SLC6A19: variants seen among roughly 807,000 people sequenced by gnomAD.
SLC6A19 encodes the protein sodium-dependent neutral amino acid transporter B(0)AT1.
SLC6A19 carries 67 observed loss-of-function variants against 68.3 expected under a neutral mutation model. The ratio of observed to expected loss-of-function variants is 0.98; its 90% CI spans 0.81 to 1.20. The LOEUF (loss-of-function observed/expected upper bound fraction) is 1.20. Ranked by LOEUF, SLC6A19 falls within the 50% of genes most tolerant of loss-of-function variation. SLC6A19 has a pLI of 0.00. For synonymous variants in SLC6A19, 392 were observed against 374.9 expected (o/e 1.05, Z -0.53); for missense variants, 813 against 851.6 (o/e 0.95, Z 0.56).
rs1403845937 is a variant in SLC6A19, at chr5:1,201,816, T to C, written c.166T>C (p.Trp56Arg). The C allele has an allele frequency of 1.2e-6, 2 of 1,612,182 alleles. No homozygotes were observed. Among genetic ancestry groups the C allele is most frequent in the Non-Finnish European group, 8.5e-7 (1 of 1,179,860 alleles). Residue 56 changes from tryptophan (W) to arginine (R), a missense_variant, in exon 1 of 12, where the codon TGG (tryptophan) becomes CGG (arginine). Physicochemically the swap from Trp to Arg is moderately radical, Grantham distance 101. Coordinates refer to ENST00000304460, the MANE Select transcript of SLC6A19 (RefSeq NM_001003841.3). ...CTTCTGCGTGGGCCTCGGCAACGTG[T>C]GGCGCTTCCCCTACCTGTGTCAGAG... ...LGFCVGLGNV[W>R]RFPYLCQSHG...
chr5:1,220,462 A>C (rs1746343969), intron 10 of SLC6A19, among the ~76,000 whole-genome samples: 2 of 151,662 alleles, frequency 1.3e-5, no homozygotes, highest in African/African-American at 4.8e-5. Flanking sequence ...AGACTCAGTT[A>C]ACATTGAGCA....
rs1392745583 is a variant in SLC6A19, at chr5:1,222,540, TAC to T, written c.*637_*638del. On this transcript the variant is annotated 3_prime_UTR_variant, in exon 12 of 12. Transcript: ENST00000304460. Reference sequence around the variant, plus strand: ...ATGTGAGCATGTGTACGTGTGTGTATACGTGTGTTGTGTATATGTGTGTGTCT... The same window carrying T: ...ATGTGAGCATGTGTACGTGTGTGTATGTGTGTTGTGTATATGTGTGTGTCT... The T allele has an allele frequency of 7.6e-6, 3 of 394,850 alleles. No homozygotes were observed. Among genetic ancestry groups the T allele is most frequent in the Admixed American group, 8.1e-5 (2 of 24,750 alleles). The allele number at this position is 394,850 out of a possible 1,614,324, so 24.5% of individuals were successfully genotyped here. A position where few individuals can be genotyped will look rare whatever the true frequency, so the allele number is the denominator to read the frequency against.
At position 1,201,853 on chromosome 5, in the gene SLC6A19, G is replaced by A. The variant is rs756022314; in HGVS notation, c.202+1G>A. On this transcript the variant is annotated splice_donor_variant, in intron 1 of 11. Transcript: ENST00000304460. LOFTEE classifies it high-confidence loss of function. Reference sequence around the variant, plus strand: ...TACCTGTGTCAGAGCCACGGAGGAGGTAGGCTGGCCGGGCGGGGCTGCGGG... The same window carrying A: ...TACCTGTGTCAGAGCCACGGAGGAGATAGGCTGGCCGGGCGGGGCTGCGGG... The A allele has an allele frequency of 1.7e-5, 27 of 1,609,284 alleles. No individual in the cohort carries two copies. The highest frequency in any genetic ancestry group is 4.2e-6 in the Non-Finnish European group (5 of 1,179,384).
At position 1,212,360 on chromosome 5, in the gene SLC6A19, C is replaced by T. The variant is rs141487939; in HGVS notation, c.539C>T (p.Thr180Met). 135 of 1,613,588 alleles carry T rather than the reference C, an allele frequency of 8.4e-5. No homozygotes were observed. The African/African-American group carries it at 1.0e-3, about 12-fold the overall frequency. ...SPVDYFWYRE[T>M]LNISTSISDS... ...GTGGACTACTTCTGGTACCGAGAGA[C>T]GCTCAACATCTCCACGTCCATCAGC... Residue 180 changes from threonine (T) to methionine (M), a missense_variant, in exon 4 of 12, where the codon ACG becomes ATG. Thr to Met is a moderately conservative substitution (Grantham distance 81). Coordinates refer to ENST00000304460, the MANE Select transcript of SLC6A19 (RefSeq NM_001003841.3). The surrounding 1 kb of genome is among the most constrained non-coding windows in gnomAD (Gnocchi z 5.1).
intron 1 of SLC6A19, among the ~76,000 whole-genome samples, 156 bp from the exon 2 acceptor site, chr5:1,208,590 T>C (rs1350838997): frequency 6.6e-6 from 1 of 152,182 alleles, no homozygotes; most frequent in East Asian, 1.9e-4. Context: ...GCTCTGGCCC[T>C]GATCCCATGG....
chr5:1,208,645 C>G, intron 1 of SLC6A19, 101 bp from the exon 2 acceptor site: 1 of 1,537,444 alleles, frequency 6.5e-7, no homozygotes, highest in South Asian at 1.1e-5. Flanking sequence ...GTGGGCCGGC[C>G]ATAGGGGCTG....
intron 10 of SLC6A19, among the ~76,000 whole-genome samples, chr5:1,220,366 T>C (rs4975627): frequency 0.91 from 134,037 of 147,868 alleles, 61,094 homozygotes; most frequent in Non-Finnish European, 0.95. Flanking sequence ...GGGGAGATCA[T>C]ACCACTGCAA....
Position 1,219,654 on chromosome 5 carries a change from G to A in SLC6A19, c.1528G>A (p.Gly510Ser), listed in dbSNP as rs139633200. 36 of 1,605,126 alleles carry A rather than the reference G, an allele frequency of 2.2e-5. No individual in the cohort carries two copies. The highest frequency in any genetic ancestry group is 5.0e-5 in the Admixed American group (3 of 60,018). ...CEMFSVVYVY[G>S]VDRFNKDIEF... ...GATGTTCTCTGTGGTCTACGTGTAC[G>A]GTGTGGACAGGTAGGGGCCACGGTG... Residue 510 changes from glycine (G) to serine (S), a missense_variant, in exon 10 of 12, where the codon GGT (glycine) becomes AGT (serine). By Grantham distance (56) the Gly-to-Ser change is moderately conservative. Transcript: ENST00000304460.
Position 1,223,301 on chromosome 5 carries a change from A to C in SLC6A19, c.*1397A>C, listed in dbSNP as rs752584150. The C allele has an allele frequency of 6.6e-6, 1 of 152,268 alleles. No homozygotes were observed. Among genetic ancestry groups the C allele is most frequent in the Admixed American group, 6.5e-5 (1 of 15,290 alleles). 9.4% of individuals were successfully genotyped at this position (152,268 alleles called of 1,614,324 possible). ...CCACTCTGTGCATTTTCTTAAGAGGACATGAGCTGTGTGAATTTTTAGCCA... is the reference window on the plus strand; with the variant it reads ...CCACTCTGTGCATTTTCTTAAGAGGCCATGAGCTGTGTGAATTTTTAGCCA... On this transcript the variant is annotated 3_prime_UTR_variant, in exon 12 of 12. Transcript: ENST00000304460.
At chr5:1,202,827 C>T (rs115543568) in intron 1 of SLC6A19, among the ~76,000 whole-genome samples, 148 of 152,336 alleles carry the variant, frequency 9.7e-4, no homozygotes, top group African/African-American at 3.5e-3. Flanking sequence ...CAGAAATGGG[C>T]TTTTCCTGAA....
rs1746410589 is a variant in SLC6A19, at chr5:1,222,297, C to A, written c.*393C>A. 3.6e-6 allele frequency: 2 copies of A among 549,538 alleles called. No homozygotes were observed. The highest frequency in any genetic ancestry group is 4.6e-4 in the Middle Eastern group (1 of 2,154). The allele number at this position is 549,538 out of a possible 1,614,324, so 34.0% of individuals were successfully genotyped here. On this transcript the variant is annotated 3_prime_UTR_variant, in exon 12 of 12. Coordinates refer to ENST00000304460, the MANE Select transcript of SLC6A19 (RefSeq NM_001003841.3). ...GTGTGTGCATGTATATATAGACATA[C>A]ATGCCTATGTTGTGTGTGGTGTGCA...
chr5:1,213,450 C>G lies in SLC6A19; in HGVS notation c.664-13C>G. On this transcript the variant is annotated splice_polypyrimidine_tract_variant and intron_variant, in intron 4 of 11. Coordinates refer to ENST00000304460, the MANE Select transcript of SLC6A19 (RefSeq NM_001003841.3). ...CAACTTCCCGCCCATCCCACATGTC[C>G]CGCCCTCCGCAGGCCGTGTACATCA... 6.3e-7 allele frequency: 1 copy of G among 1,578,052 alleles called. No individual in the cohort carries two copies. Among genetic ancestry groups the G allele is most frequent in the Non-Finnish European group, 8.6e-7 (1 of 1,164,854 alleles).
chr5:1,220,939 G>A (rs570497982), intron 10 of SLC6A19, among the ~76,000 whole-genome samples: 1 of 152,308 alleles, frequency 6.6e-6, no homozygotes, highest in African/African-American at 2.4e-5. Flanking sequence ...ACTGGCTGGT[G>A]GCATCGTAGG....
At chr5:1,205,453 G>C (rs1305526167) in intron 1 of SLC6A19, among the ~76,000 whole-genome samples, 1 of 152,178 alleles carries the variant, frequency 6.6e-6, no homozygotes, top group African/African-American at 2.4e-5. Context: ...AGTCCTCTCT[G>C]TTCACTGCTC....
rs183119054 is a variant in SLC6A19 at position 1,212,548 on chromosome 5, C to T, written c.663+64C>T. 2.8e-3 allele frequency: 4,429 copies of T among 1,584,984 alleles called. 18 individuals are homozygous for T. Among genetic ancestry groups the T allele is most frequent in the Non-Finnish European group, 3.0e-3 (3,518 of 1,168,766 alleles). ...GGGCGGGTGCGGGCAGCCCTGCCTCCGGCCGGCTGCACTCTAAAACCCAGG... is the reference window on the plus strand; with the variant it reads ...GGGCGGGTGCGGGCAGCCCTGCCTCTGGCCGGCTGCACTCTAAAACCCAGG... On this transcript the variant is annotated intron_variant, in intron 4 of 11. Transcript: ENST00000304460. This position sits in a 1 kb window ranked among gnomAD's most constrained non-coding sequence, Gnocchi z 5.1.
At chr5:1,210,303 C>T in intron 2 of SLC6A19, 141 bp from the exon 3 acceptor site, 1 of 1,231,148 alleles carries the variant, frequency 8.1e-7, no homozygotes, top group Non-Finnish European at 1.1e-6. Flanking sequence ...CCGGCCTGCA[C>T]TGGGTCGGCC....
Position 1,212,316 on chromosome 5 carries a change from G to C in SLC6A19, c.495G>C (p.Glu165Asp), listed in dbSNP as rs201694226. ...CCCTCTCCCCAGGGTATGTGGACGA[G>C]TGCGCCAGGAGCTCCCCTGTGGACT... The part of the protein sequence containing the change: ...LNENQTGYVD[E>D]CARSSPVDYF... Residue 165 changes from glutamate (E) to aspartate (D), a missense_variant, in exon 4 of 12, where the codon GAG (glutamate) becomes GAC (aspartate). Glu to Asp is a conservative substitution (Grantham distance 45). Coordinates refer to ENST00000304460, the MANE Select transcript of SLC6A19 (RefSeq NM_001003841.3). The surrounding 1 kb of genome is among the most constrained non-coding windows in gnomAD (Gnocchi z 5.1). 3.1e-6 allele frequency: 5 copies of C among 1,613,550 alleles called. No individual in the cohort carries two copies. Among genetic ancestry groups the C allele is most frequent in the African/African-American group, 1.3e-5 (1 of 75,010 alleles).
At position 1,209,821 on chromosome 5, in the gene SLC6A19, C is replaced by T; in HGVS notation, c.344-623C>T. Among the ~76,000 whole-genome samples the T allele has an allele frequency of 6.6e-6, 1 of 152,160 alleles. No homozygotes were observed. Among genetic ancestry groups the T allele is most frequent in the East Asian group, 1.9e-4 (1 of 5,202 alleles). ...GTCTCTCTTCCCCATCTCACACTCACATATTCACAACACACATTTGGTTTT... is the reference window on the plus strand; with the variant it reads ...GTCTCTCTTCCCCATCTCACACTCATATATTCACAACACACATTTGGTTTT... On this transcript the variant is annotated intron_variant, in intron 2 of 11. Transcript: ENST00000304460. This position sits in a 1 kb window ranked among gnomAD's most constrained non-coding sequence, Gnocchi z 5.5.
At chr5:1,202,186 G>C (rs1231437047) in intron 1 of SLC6A19, among the ~76,000 whole-genome samples, 1 of 152,188 alleles carries the variant, frequency 6.6e-6, no homozygotes. Context: ...GCCCCTCCTC[G>C]GAGGACGCGG....
Sources: allele counts gnomAD v4.1 joint callset (sites outside exome capture counted in the v4.1 genomes callset), GRCh38; gene constraint gnomAD v4.1.1; non-coding constraint Gnocchi (gnomAD v3.1); transcripts MANE v1.5; gene names NCBI Gene and HGNC (gene_info 2026-07-23, HGNC 2026-07-21).